The following ENOX1 variants were observed in gnomAD, a reference collection of about 807,000 sequenced individuals.
ENOX1 encodes the protein candidate growth-related and time keeping constitutive hydroquinone (NADH) oxidase.
Under a neutral mutation model 82.5 loss-of-function variants are expected in ENOX1, and 42 were observed. That is an observed-to-expected ratio of 0.51 (90% CI 0.40 to 0.66). The LOEUF is 0.66. Among genes scored for constraint, ENOX1 ranks in the 30% least tolerant of loss-of-function variants. ENOX1 has a pLI of 0.00. For synonymous variants in ENOX1, 271 were observed against 282.2 expected, an observed-to-expected ratio of 0.96 and a Z score of 0.40; for missense variants, 608 against 811.6, an observed-to-expected ratio of 0.75 and a Z score of 3.05.
In ENOX1 at chr13:43,236,637, T is replaced by C; in HGVS notation, c.1713A>G (p.Ile571Met). The change falls in exon 15 of 17, where the codon ATA (isoleucine) becomes ATG (methionine). Residue 571 changes from isoleucine (I) to methionine (M), a missense_variant and splice_region_variant. Ile to Met is a conservative substitution (Grantham distance 10). Transcript: ENST00000690772. ...GLKSEKEALL[I>M]GIISTFLHVH... The stretch of plus-strand genomic sequence containing the variant: ...ATGAAGAAAACAGAATTTCCTTACC[T>C]ATTAGCAGAGCTTCTTTCTCTGATT... 6.4e-7 allele frequency: 1 copy of C among 1,565,556 alleles called. No individual in the cohort carries two copies. Among genetic ancestry groups the C allele is most frequent in the East Asian group, 2.3e-5 (1 of 43,186 alleles).
intron 16 of ENOX1, among the ~76,000 whole-genome samples, chr13:43,219,331 T>C (rs534805444): frequency 6.6e-6 from 1 of 152,274 alleles, no homozygotes; most frequent in East Asian, 1.9e-4. Flanking sequence ...TGTAGCACTG[T>C]GATATAGATT....
rs1237968623 is a variant in ENOX1, at chr13:43,472,344, GA to G, written c.-75+11664del. 2.0e-5 allele frequency among the ~76,000 whole-genome samples: 3 copies of G among 152,020 alleles called. No homozygotes were observed. In the East Asian group the frequency reaches 5.8e-4, roughly 29 times the overall value. Reference sequence around the variant, plus strand: ...AAACAATTGTTATGTTTGTTGCATAGAAAAAAATCAGATTCACCGTGATTTT... The same window carrying G: ...AAACAATTGTTATGTTTGTTGCATAGAAAAAATCAGATTCACCGTGATTTT... On this transcript the variant is annotated intron_variant, in intron 3 of 16. Transcript: ENST00000690772.
chr13:43,299,431 A>G (rs2046451309), intron 11 of ENOX1, among the ~76,000 whole-genome samples: 1 of 152,156 alleles, frequency 6.6e-6, no homozygotes, highest in Admixed American at 6.5e-5. Flanking sequence ...AGAGCTTTGT[A>G]TGAACTCACT....
chr13:43,679,813 C>T (rs1256897747), intron 1 of ENOX1, among the ~76,000 whole-genome samples: 2 of 152,188 alleles, frequency 1.3e-5, no homozygotes, highest in East Asian at 3.8e-4. Flanking sequence ...AATGCAAAAT[C>T]CTATCAAAAA....
At chr13:43,262,595 C>T (rs758883214) in intron 14 of ENOX1, among the ~76,000 whole-genome samples, 13 of 151,150 alleles carry the variant, frequency 8.6e-5, no homozygotes, top group Non-Finnish European at 1.8e-4. Context: ...GGTGTGATCT[C>T]GGCTCACTGC....
At chr13:43,499,249 G>A (rs1185885739) in intron 2 of ENOX1, among the ~76,000 whole-genome samples, 1 of 151,164 alleles carries the variant, frequency 6.6e-6, no homozygotes, top group African/African-American at 2.4e-5. Flanking sequence ...CTGGATCCTG[G>A]AACAAAAAAG....
chr13:43,349,127 T>C (rs2049594397), intron 8 of ENOX1, among the ~76,000 whole-genome samples: 1 of 152,206 alleles, frequency 6.6e-6, no homozygotes, highest in Non-Finnish European at 1.5e-5. Flanking sequence ...TCAGAGTTGA[T>C]AATAAACATT....
At chr13:43,448,999 A>G (rs560974641) in intron 3 of ENOX1, among the ~76,000 whole-genome samples, 1 of 152,358 alleles carries the variant, frequency 6.6e-6, no homozygotes, top group East Asian at 1.9e-4. Context: ...TTATAAGAGT[A>G]AGAATTTTGC....
At chr13:43,553,740 A>T (rs2079309996) in intron 2 of ENOX1, among the ~76,000 whole-genome samples, 1 of 152,104 alleles carries the variant, frequency 6.6e-6, no homozygotes, top group Non-Finnish European at 1.5e-5. Context: ...AGAATAAAGT[A>T]TCTTTCTTTC....
At chr13:43,384,553 C>G (rs898735191) in intron 5 of ENOX1, among the ~76,000 whole-genome samples, 5 of 152,156 alleles carry the variant, frequency 3.3e-5, no homozygotes, top group African/African-American at 1.2e-4. Flanking sequence ...AATAATTTCC[C>G]TCAGTTCACG....
intron 1 of ENOX1, among the ~76,000 whole-genome samples, chr13:43,694,377 T>C (rs1308091898): frequency 6.6e-6 from 1 of 152,186 alleles, no homozygotes; most frequent in Non-Finnish European, 1.5e-5. Flanking sequence ...AATAATTCCA[T>C]CACATCTCTC....
At chr13:43,430,836 C>T (rs181631239) in intron 3 of ENOX1, among the ~76,000 whole-genome samples, 41 of 152,226 alleles carry the variant, frequency 2.7e-4, no homozygotes, top group Non-Finnish European at 4.4e-4. Flanking sequence ...AATTGCATTT[C>T]GTTTTATTTA....
At chr13:43,366,930 G>T (rs2050885992) in intron 5 of ENOX1, among the ~76,000 whole-genome samples, 1 of 152,224 alleles carries the variant, frequency 6.6e-6, no homozygotes, top group Admixed American at 6.5e-5. Flanking sequence ...ATTACATACA[G>T]CATTAATAAA....
chr13:43,414,388 T>G (rs1034835514), intron 3 of ENOX1, among the ~76,000 whole-genome samples: 1 of 152,182 alleles, frequency 6.6e-6, no homozygotes, highest in African/African-American at 2.4e-5. Context: ...GGAAGCAAAT[T>G]GTACTGAGAA....
chr13:43,245,575 C>G, intron 14 of ENOX1, among the ~76,000 whole-genome samples: 1 of 152,238 alleles, frequency 6.6e-6, no homozygotes. Flanking sequence ...TGAGCAGGAT[C>G]GCAGGAATTT....
chr13:43,312,132 T>C (rs193137072), intron 11 of ENOX1, among the ~76,000 whole-genome samples: 67 of 152,320 alleles, frequency 4.4e-4, no homozygotes, highest in African/African-American at 1.5e-3. Flanking sequence ...TGATCATTAT[T>C]TGGGGGTACC....
intron 3 of ENOX1, among the ~76,000 whole-genome samples, chr13:43,465,245 A>G (rs774668632): frequency 4.8e-4 from 73 of 152,352 alleles, no homozygotes; most frequent in South Asian, 8.3e-4. Context: ...ATTCTTTTAG[A>G]AGAAAGACTC....
intron 12 of ENOX1, among the ~76,000 whole-genome samples, chr13:43,271,666 AACACACACAC>A (rs5803169): frequency 1.3e-5 from 2 of 149,930 alleles, no homozygotes; most frequent in African/African-American, 4.9e-5. Flanking sequence ...CTTCTATTAA[AACACACACAC>A]ACACACACAC....
intron 1 of ENOX1, among the ~76,000 whole-genome samples, chr13:43,695,063 T>G (rs1164305144): frequency 6.6e-6 from 1 of 152,090 alleles, no homozygotes; most frequent in African/African-American, 2.4e-5. Flanking sequence ...GATGGCACAC[T>G]TCAAGATCCT....
Sources: gnomAD v4.1 joint callset for allele counts (sites outside exome capture counted in the v4.1 genomes callset) on GRCh38, gnomAD v4.1.1 for gene constraint, MANE v1.5 for transcripts, NCBI Gene and HGNC (gene_info 2026-07-23, HGNC 2026-07-21) for gene names.